Variants in ST3GAL4 observed in about 807,000 individuals in gnomAD.
ST3GAL4 encodes CMP-N-acetylneuraminate-beta-galactosamide-alpha-2,3-sialyltransferase 4.
Under a neutral mutation model 42.6 loss-of-function variants are expected in ST3GAL4, and 24 were observed. That is an observed-to-expected ratio of 0.56 (90% CI 0.41 to 0.79). The LOEUF is 0.79. Ranked by LOEUF, ST3GAL4 falls within the 30% of genes least tolerant of loss-of-function variation. The pLI is 0.00. For synonymous variants in ST3GAL4, 135 were observed against 163.2 expected (o/e 0.83, Z 1.32); for missense variants, 311 against 430.8 (o/e 0.72, Z 2.46).
chr11:126,365,840 A>T (rs1334454438), intron 1 of ST3GAL4, among the ~76,000 whole-genome samples: 3 of 152,008 alleles, frequency 2.0e-5, no homozygotes, highest in South Asian at 2.1e-4. Flanking sequence ...GAGGACAGTG[A>T]GTGTGTGTTG....
At position 126,407,005 on chromosome 11, in the gene ST3GAL4, C is replaced by T; in HGVS notation, c.164C>T (p.Ala55Val). 6.2e-7 allele frequency: 1 copy of T among 1,613,870 alleles called. No individual in the cohort carries two copies. Among genetic ancestry groups the T allele is most frequent in the Non-Finnish European group, 8.5e-7 (1 of 1,179,908 alleles). ...PCLQGEAESK[A>V]SKLFGNYSRD... The stretch of plus-strand genomic sequence containing the variant: ...CTCCAGGGTGAGGCAGAGAGCAAGG[C>T]CTCTAAGCTCTTTGGCAAGTAAGTA... The change falls in exon 4 of 11, where the codon GCC becomes GTC. Residue 55 changes from alanine (A) to valine (V), a missense_variant. Transcript: ENST00000444328.
chr11:126,383,041 G>A lies in ST3GAL4; in HGVS notation c.-60-23055G>A, dbSNP rs1953068062. 6.6e-6 allele frequency among the ~76,000 whole-genome samples: 1 copy of A among 152,234 alleles called. No homozygotes were observed. The highest frequency in any genetic ancestry group is 6.5e-5 in the Admixed American group (1 of 15,292). On this transcript the variant is annotated intron_variant, in intron 1 of 10. Transcript: ENST00000444328. The surrounding 1 kb of genome is among the most constrained non-coding windows in gnomAD (Gnocchi z 4.5). ...GAGACAGGCCCAGAGGACAGTGAGTGTGTGTTGTGTGGGTGCCAGGCCAGG... is the reference window on the plus strand; with the variant it reads ...GAGACAGGCCCAGAGGACAGTGAGTATGTGTTGTGTGGGTGCCAGGCCAGG...
rs1672564944 is a variant in ST3GAL4, at chr11:126,414,170, G to A, written c.*123G>A. 11 of 931,402 alleles carry A rather than the reference G, an allele frequency of 1.2e-5. No homozygotes were observed. Among genetic ancestry groups the A allele is most frequent in the Non-Finnish European group, 1.9e-5 (11 of 579,230 alleles). The allele number at this position is 931,402 out of a possible 1,614,324, so 57.7% of individuals were successfully genotyped here. On this transcript the variant is annotated 3_prime_UTR_variant, in exon 11 of 11. Coordinates refer to ENST00000444328, the MANE Select transcript of ST3GAL4 (RefSeq NM_001254757.2). ...GGACTCACCCCCTCTTGGGGAGGGA[G>A]TTCTGGGCCTGGCCAGGTCTGAGAT...
chr11:126,358,105 C>T (rs59379014), intron 1 of ST3GAL4, among the ~76,000 whole-genome samples: 17,663 of 152,284 alleles, frequency 0.12, 1,342 homozygotes, highest in African/African-American at 0.22. Context: ...CCTGGCCCCT[C>T]GGAGATGGAC....
intron 1 of ST3GAL4, among the ~76,000 whole-genome samples, chr11:126,357,114 G>C (rs1219159837): frequency 6.6e-6 from 1 of 152,184 alleles, no homozygotes; most frequent in Non-Finnish European, 1.5e-5. Context: ...CCGCTGTTTG[G>C]GGCCTAGAAA....
chr11:126,364,663 C>T (rs1952364398), intron 1 of ST3GAL4, among the ~76,000 whole-genome samples: 1 of 147,936 alleles, frequency 6.8e-6, no homozygotes, highest in Non-Finnish European at 1.5e-5. Flanking sequence ...CCATTGCCTT[C>T]CCCCAGGCCC....
chr11:126,363,864 C>T lies in ST3GAL4; in HGVS notation c.-61+8022C>T, dbSNP rs972256963. ...TGTTCTGTGTGAGGGTCTGGATACACTCCCCACCCTCCCAGGCCCGGCACC... is the reference window on the plus strand; with the variant it reads ...TGTTCTGTGTGAGGGTCTGGATACATTCCCCACCCTCCCAGGCCCGGCACC... On this transcript the variant is annotated intron_variant, in intron 1 of 10. Transcript: ENST00000444328. This position sits in a 1 kb window ranked among gnomAD's most constrained non-coding sequence, Gnocchi z 4.6. Among the ~76,000 whole-genome samples, 6 of 152,378 alleles carry T rather than the reference C, an allele frequency of 3.9e-5. No individual in the cohort carries two copies. Among genetic ancestry groups the T allele is most frequent in the Admixed American group, 3.3e-4 (5 of 15,312 alleles).
rs1391630762 is a variant in ST3GAL4 at position 126,376,898 on chromosome 11, G to A, written c.-61+21056G>A. On this transcript the variant is annotated intron_variant, in intron 1 of 10. Coordinates refer to ENST00000444328, the MANE Select transcript of ST3GAL4 (RefSeq NM_001254757.2). The surrounding 1 kb of genome is among the most constrained non-coding windows in gnomAD (Gnocchi z 5.1). ...CAGTGTTGCTTTCCTCAAGTTGAAT[G>A]ATCCTCATGGTAACTGTTTGATATT... 1 of 152,210 alleles carries A rather than the reference G, an allele frequency of 6.6e-6. No homozygotes were observed. Among genetic ancestry groups the A allele is most frequent in the Non-Finnish European group, 1.5e-5 (1 of 68,048 alleles). 9.4% of individuals were successfully genotyped at this position (152,210 alleles called of 1,614,324 possible). A position where few individuals can be genotyped will look rare whatever the true frequency, so the allele number is the denominator to read the frequency against.
chr11:126,376,787 A>G lies in ST3GAL4; in HGVS notation c.-61+20945A>G, dbSNP rs1267053668. 3 of 152,230 alleles carry G rather than the reference A, an allele frequency of 2.0e-5. No homozygotes were observed. The highest frequency in any genetic ancestry group is 7.2e-5 in the African/African-American group (3 of 41,452). The allele number at this position is 152,230 out of a possible 1,614,324, so 9.4% of individuals were successfully genotyped here. Reference sequence around the variant, plus strand: ...TACCACCACCAATGTAGTCACTGGGACAAAGAGTCAGGTAGATGTTGTTGT... The same window carrying G: ...TACCACCACCAATGTAGTCACTGGGGCAAAGAGTCAGGTAGATGTTGTTGT... On this transcript the variant is annotated intron_variant, in intron 1 of 10. Coordinates refer to ENST00000444328, the MANE Select transcript of ST3GAL4 (RefSeq NM_001254757.2). This position sits in a 1 kb window ranked among gnomAD's most constrained non-coding sequence, Gnocchi z 5.1.
In ST3GAL4 at chr11:126,384,614, G is replaced by A. The variant is rs1953143343; in HGVS notation, c.-60-21482G>A. The stretch of plus-strand genomic sequence containing the variant: ...GGGAAGGCTGAATGGGGCGGAACTG[G>A]TCAGGGCCTGGCACCAACTCCAGGA... On this transcript the variant is annotated intron_variant, in intron 1 of 10. Coordinates refer to ENST00000444328, the MANE Select transcript of ST3GAL4 (RefSeq NM_001254757.2). This position sits in a 1 kb window ranked among gnomAD's most constrained non-coding sequence, Gnocchi z 5.5. The A allele has an allele frequency of 1.1e-6, 1 of 945,718 alleles. No homozygotes were observed. Among genetic ancestry groups the A allele is most frequent in the South Asian group, 4.9e-5 (1 of 20,508 alleles). The allele number at this position is 945,718 out of a possible 1,614,324, so 58.6% of individuals were successfully genotyped here.
At chr11:126,405,350 C>T (rs998930253) in intron 1 of ST3GAL4, among the ~76,000 whole-genome samples, 2 of 152,230 alleles carry the variant, frequency 1.3e-5, no homozygotes, top group Non-Finnish European at 2.9e-5. Context: ...CAGTCCTCAC[C>T]TTACTACCTT....
At chr11:126,369,438 G>A (rs1952558170) in intron 1 of ST3GAL4, among the ~76,000 whole-genome samples, 1 of 152,114 alleles carries the variant, frequency 6.6e-6, no homozygotes, top group African/African-American at 2.4e-5. Flanking sequence ...AGTAAAGATA[G>A]GGTTTCCCCA....
chr11:126,358,215 G>A (rs1016109534), intron 1 of ST3GAL4, among the ~76,000 whole-genome samples: 1 of 152,368 alleles, frequency 6.6e-6, no homozygotes, highest in African/African-American at 2.4e-5. Flanking sequence ...GCACTGGGCC[G>A]GCTGGACGTT....
intron 1 of ST3GAL4, among the ~76,000 whole-genome samples, chr11:126,358,015 G>A (rs1952125587): frequency 6.6e-6 from 1 of 152,354 alleles, no homozygotes; most frequent in African/African-American, 2.4e-5. Context: ...GGGATGGAGA[G>A]GGAGCTTGGG....
At position 126,406,694 on chromosome 11, in the gene ST3GAL4, G is replaced by A. The variant is rs942754456; in HGVS notation, c.101+137G>A. The A allele has an allele frequency of 1.6e-5, 14 of 871,306 alleles. No homozygotes were observed. The African/African-American group carries it at 2.4e-4, about 15-fold the overall frequency. The allele number at this position is 871,306 out of a possible 1,614,324, so 54.0% of individuals were successfully genotyped here. A position where few individuals can be genotyped will look rare whatever the true frequency, so the allele number is the denominator to read the frequency against. On this transcript the variant is annotated intron_variant, in intron 3 of 10. Transcript: ENST00000444328. The surrounding 1 kb of genome is among the most constrained non-coding windows in gnomAD (Gnocchi z 5.4). ...CATGACCTCATCCCTTCAGCTGCTGGTACGGAGTGTTTCCATGAGGGTGGG... is the reference window on the plus strand; with the variant it reads ...CATGACCTCATCCCTTCAGCTGCTGATACGGAGTGTTTCCATGAGGGTGGG...
In ST3GAL4 at chr11:126,376,030, C is replaced by T. The variant is rs1256773143; in HGVS notation, c.-61+20188C>T. Among the ~76,000 whole-genome samples the T allele has an allele frequency of 6.6e-6, 1 of 152,150 alleles. No homozygotes were observed. Among genetic ancestry groups the T allele is most frequent in the Non-Finnish European group, 1.5e-5 (1 of 68,026 alleles). The stretch of plus-strand genomic sequence containing the variant: ...ATGTGTATAAAACATCTGCCACATT[C>T]TTGGCAGTTTAATAGAATCTAGAGA... On this transcript the variant is annotated intron_variant, in intron 1 of 10. Transcript: ENST00000444328. This position sits in a 1 kb window ranked among gnomAD's most constrained non-coding sequence, Gnocchi z 5.1.
In ST3GAL4 at chr11:126,411,912, C is replaced by G. The variant is rs570801609; in HGVS notation, c.772-1593C>G. ...GCAGGACAGCCTCTCCTTTTGTGTTCAACTGTGCCATATAAAGTAACGTCA... is the reference window on the plus strand; with the variant it reads ...GCAGGACAGCCTCTCCTTTTGTGTTGAACTGTGCCATATAAAGTAACGTCA... On this transcript the variant is annotated intron_variant, in intron 9 of 10. Transcript: ENST00000444328. The surrounding 1 kb of genome is among the most constrained non-coding windows in gnomAD (Gnocchi z 6.3). 1.3e-5 allele frequency among the ~76,000 whole-genome samples: 2 copies of G among 152,142 alleles called. No homozygotes were observed. Among genetic ancestry groups the G allele is most frequent in the African/African-American group, 2.4e-5 (1 of 41,420 alleles).
At chr11:126,407,528 G>C in intron 5 of ST3GAL4, 46 bp from the exon 6 acceptor site, 2 of 1,612,414 alleles carry the variant, frequency 1.2e-6, no homozygotes, top group Non-Finnish European at 1.7e-6. Flanking sequence ...GCAGCCTTCA[G>C]AATGCTATCT....
Position 126,400,096 on chromosome 11 carries a change from TTCTG to T in ST3GAL4, c.-60-5996_-60-5993del, listed in dbSNP as rs1265763183. Among the ~76,000 whole-genome samples, 7 of 152,290 alleles carry T rather than the reference TTCTG, an allele frequency of 4.6e-5. No individual in the cohort carries two copies. In the South Asian group the frequency reaches 6.2e-4, roughly 14 times the overall value. ...CCCTCTCCACTTCTTGGCACCAATT[TTCTG>T]TCTTAGTCCATTTTGTGCTGCTGTA... On this transcript the variant is annotated intron_variant, in intron 1 of 10. Transcript: ENST00000444328. The surrounding 1 kb of genome is among the most constrained non-coding windows in gnomAD (Gnocchi z 4.6).
Sources: allele counts gnomAD v4.1 joint callset (sites outside exome capture counted in the v4.1 genomes callset), GRCh38; gene constraint gnomAD v4.1.1; non-coding constraint Gnocchi (gnomAD v3.1); transcripts MANE v1.5; gene names NCBI Gene and HGNC (gene_info 2026-07-23, HGNC 2026-07-21).